Variants in NCKAP5 observed in about 807,000 individuals in gnomAD.
The protein encoded by NCKAP5 is NCK associated protein 5, also known as nck-associated protein 5.
Under a neutral mutation model 167.0 loss-of-function variants are expected in NCKAP5, and 92 were observed. The ratio of observed to expected loss-of-function variants is 0.55; its 90% CI spans 0.47 to 0.66. The LOEUF (loss-of-function observed/expected upper bound fraction) is 0.66, where lower values mean the gene tolerates loss of function less well. Ranked by LOEUF, NCKAP5 falls within the 30% of genes least tolerant of loss-of-function variation. The probability of loss-of-function intolerance (pLI) is 0.00; values close to 1 mark genes in which losing one functional copy is unlikely to be tolerated. For missense variants in NCKAP5, 2,378 were observed against 2,315.0 expected (o/e 1.03, Z -0.56); for synonymous variants, 891 against 877.4 (o/e 1.02, Z -0.27).
intron 3 of NCKAP5, among the ~76,000 whole-genome samples, chr2:133,477,216 T>C (rs952823042): frequency 2.6e-5 from 4 of 152,240 alleles, no homozygotes; most frequent in African/African-American, 7.2e-5. Flanking sequence ...GTGAGGAACA[T>C]TGACCTTGAG....
intron 6 of NCKAP5, among the ~76,000 whole-genome samples, chr2:133,034,727 G>A (rs1028048186): frequency 6.6e-6 from 1 of 151,888 alleles, no homozygotes; most frequent in Non-Finnish European, 1.5e-5. Context: ...AATAGTATTT[G>A]CAAACCCTAT....
intron 8 of NCKAP5, among the ~76,000 whole-genome samples, chr2:132,908,299 G>T (rs1694167400): frequency 6.6e-6 from 1 of 151,734 alleles, no homozygotes; most frequent in South Asian, 2.1e-4. Flanking sequence ...TGGTTTTTAG[G>T]TGCTTCACCA....
the NCKAP5 span, among the ~76,000 whole-genome samples, chr2:133,622,163 C>A: frequency 5.3e-5 from 8 of 152,202 alleles, no homozygotes; most frequent in African/African-American, 1.9e-4. Context: ...CTATGATAGA[C>A]CCACAGCCAA....
At chr2:133,637,885 C>T in the NCKAP5 span, among the ~76,000 whole-genome samples, 1 of 152,114 alleles carries the variant, frequency 6.6e-6, no homozygotes, top group African/African-American at 2.4e-5. Context: ...AATGTCCCCT[C>T]TCTGAATTTT....
At chr2:133,546,617 CA>C (rs1429961585) in intron 2 of NCKAP5, among the ~76,000 whole-genome samples, 1 of 152,122 alleles carries the variant, frequency 6.6e-6, no homozygotes, top group Non-Finnish European at 1.5e-5. Flanking sequence ...GGGATGCCCC[CA>C]CCCTGTGCCT....
chr2:133,504,560 C>T (rs544724299), intron 3 of NCKAP5, among the ~76,000 whole-genome samples: 1 of 152,164 alleles, frequency 6.6e-6, no homozygotes, highest in South Asian at 2.1e-4. Flanking sequence ...GACTTCCAAT[C>T]ATGCATTTTA....
chr2:133,007,017 A>G (rs2149349841), intron 6 of NCKAP5, among the ~76,000 whole-genome samples: 1 of 152,304 alleles, frequency 6.6e-6, no homozygotes, highest in Non-Finnish European at 1.5e-5. Flanking sequence ...ACCACAGCAC[A>G]TCCAGAAAAG....
chr2:132,873,673 T>A (rs1691020325), intron 9 of NCKAP5, among the ~76,000 whole-genome samples: 1 of 152,254 alleles, frequency 6.6e-6, no homozygotes, highest in Non-Finnish European at 1.5e-5. Context: ...CCAAAGCCCA[T>A]GAAGTTCTCT....
intron 11 of NCKAP5, among the ~76,000 whole-genome samples, chr2:132,843,641 C>T (rs1397501170): frequency 6.6e-6 from 1 of 151,826 alleles, no homozygotes; most frequent in East Asian, 1.9e-4. Flanking sequence ...ATGGCAATCT[C>T]CAATGGCTTT....
chr2:132,921,131 C>T (rs1346449228), intron 8 of NCKAP5, among the ~76,000 whole-genome samples: 2 of 151,920 alleles, frequency 1.3e-5, no homozygotes, highest in Non-Finnish European at 2.9e-5. Context: ...CATCCTCTCA[C>T]GAAGCTTTAT....
At chr2:133,401,458 C>T (rs1688093397) in intron 3 of NCKAP5, among the ~76,000 whole-genome samples, 1 of 152,164 alleles carries the variant, frequency 6.6e-6, no homozygotes, top group African/African-American at 2.4e-5. Context: ...AGGCCCAGAA[C>T]TTGTGGTTGG....
intron 3 of NCKAP5, among the ~76,000 whole-genome samples, chr2:133,366,450 G>A (rs771098186): frequency 1.3e-5 from 2 of 151,894 alleles, no homozygotes; most frequent in South Asian, 2.1e-4. Flanking sequence ...TTACAGGCAC[G>A]TGCCACCATG....
chr2:133,668,499 G>T, the NCKAP5 span, among the ~76,000 whole-genome samples: 1 of 151,966 alleles, frequency 6.6e-6, no homozygotes, highest in South Asian at 2.1e-4. Context: ...GTGCAAAGTG[G>T]TATCTAATTT....
chr2:133,355,211 C>T (rs1684627774), intron 3 of NCKAP5, among the ~76,000 whole-genome samples: 1 of 152,114 alleles, frequency 6.6e-6, no homozygotes, highest in Admixed American at 6.6e-5. Flanking sequence ...TAAACTGTAG[C>T]CATTGCCCTA....
intron 3 of NCKAP5, among the ~76,000 whole-genome samples, chr2:133,473,257 G>A (rs977792811): frequency 1.1e-4 from 17 of 152,080 alleles, no homozygotes; most frequent in South Asian, 2.1e-4. Flanking sequence ...GCTTGAACCC[G>A]GGAGTCAGAG....
At chr2:133,612,087 G>A in the NCKAP5 span, among the ~76,000 whole-genome samples, 1 of 152,154 alleles carries the variant, frequency 6.6e-6, no homozygotes, top group Admixed American at 6.6e-5. Context: ...CAACCTGGCT[G>A]CCATTGATAG....
At chr2:133,672,309 C>G in the NCKAP5 span, among the ~76,000 whole-genome samples, 2 of 152,306 alleles carry the variant, frequency 1.3e-5, no homozygotes, top group South Asian at 4.1e-4. Context: ...GGCTAGAAAA[C>G]TATGCAAGGA....
At chr2:132,868,407 TACC>T (rs1279315375) in intron 10 of NCKAP5, among the ~76,000 whole-genome samples, 1 of 152,294 alleles carries the variant, frequency 6.6e-6, no homozygotes, top group African/African-American at 2.4e-5. Flanking sequence ...GCACAGTGGT[TACC>T]ATTATTTTAT....
intron 3 of NCKAP5, among the ~76,000 whole-genome samples, chr2:133,387,172 AGTGG>A (rs1687041238): frequency 6.6e-6 from 1 of 152,158 alleles, no homozygotes; most frequent in African/African-American, 2.4e-5. Context: ...ATGTTTTTGC[AGTGG>A]CTGGTACTGG....
Sources: allele counts gnomAD v4.1 joint callset (sites outside exome capture counted in the v4.1 genomes callset), GRCh38; gene constraint gnomAD v4.1.1; transcripts MANE v1.5; gene names NCBI Gene and HGNC (gene_info 2026-07-23, HGNC 2026-07-21).